SYBU: variants seen among roughly 807,000 people sequenced by gnomAD.
SYBU encodes the protein syntabulin.
Under a neutral mutation model 35.9 loss-of-function variants are expected in SYBU, and 21 were observed. The observed-to-expected ratio is 0.58, with a 90% CI of 0.41 to 0.84. SYBU has a LOEUF of 0.84. Among genes scored for constraint, SYBU ranks in the 40% least tolerant of loss-of-function variants. The pLI, the probability that SYBU is intolerant of heterozygous loss-of-function variation, is 0.00. For missense variants in SYBU, 768 were observed against 848.2 expected, an observed-to-expected ratio of 0.91 and a Z score of 1.17; for synonymous variants, 319 against 324.3, an observed-to-expected ratio of 0.98 and a Z score of 0.18.
intron 3 of SYBU, among the ~76,000 whole-genome samples, chr8:109,612,354 G>C (rs946573119): frequency 2.0e-5 from 3 of 152,072 alleles, no homozygotes; most frequent in Admixed American, 2.0e-4. Context: ...TTTTCATAAG[G>C]CTCATAGTAT....
chr8:109,588,854 C>G (rs892114695), intron 3 of SYBU, among the ~76,000 whole-genome samples: 7 of 152,044 alleles, frequency 4.6e-5, no homozygotes, highest in Non-Finnish European at 7.4e-5. Context: ...GCACAGAGTA[C>G]CTAACCTAAA....
Position 109,622,447 on chromosome 8 carries a change from C to T in SYBU, c.230-3408G>A, listed in dbSNP as rs189651118. On this transcript the variant is annotated intron_variant, in intron 2 of 6. Transcript: ENST00000276646. Reference sequence around the variant, plus strand: ...GGGGTTTCTCCATGTTGGCCAGGCTCGCCTTGAACTCCTGGCCTCAAGTGA... The same window carrying T: ...GGGGTTTCTCCATGTTGGCCAGGCTTGCCTTGAACTCCTGGCCTCAAGTGA... 3.0e-3 allele frequency among the ~76,000 whole-genome samples: 462 copies of T among 152,088 alleles called. 1 individual carries two copies. Among genetic ancestry groups the T allele is most frequent in the Non-Finnish European group, 5.4e-3 (369 of 67,972 alleles).
At chr8:109,644,925 C>T, upstream of SYBU, 2 of 542,920 alleles carry the variant, frequency 3.7e-6, no homozygotes, top group Non-Finnish European at 6.6e-6. Flanking sequence ...TCACCTGCGG[C>T]CTTCGGGGCA....
upstream of SYBU, among the ~76,000 whole-genome samples, chr8:109,649,742 G>A (rs553069104): frequency 2.2e-4 from 34 of 152,160 alleles, no homozygotes; most frequent in Non-Finnish European, 3.7e-4. Context: ...ACATAGGCAC[G>A]GTGATTGCAT....
chr8:109,620,146 T>C (rs889731572), intron 2 of SYBU, among the ~76,000 whole-genome samples: 2 of 152,214 alleles, frequency 1.3e-5, no homozygotes, highest in African/African-American at 4.8e-5. Context: ...AGAACTGTAT[T>C]GGACCTCAAA....
chr8:109,653,709 C>T (rs533776531), intron 1 of SYBU, among the ~76,000 whole-genome samples: 1 of 152,302 alleles, frequency 6.6e-6, no homozygotes, highest in South Asian at 2.1e-4. Flanking sequence ...CCTACCACCC[C>T]TGCCCTCATG....
chr8:109,584,595 G>T lies in SYBU; in HGVS notation c.530+1465C>A, dbSNP rs539384821. Among the ~76,000 whole-genome samples, 1 of 152,222 alleles carries T rather than the reference G, an allele frequency of 6.6e-6. No individual in the cohort carries two copies. The highest frequency in any genetic ancestry group is 1.9e-4 in the East Asian group (1 of 5,186). ...CCAGAGGCACTTTATTGCCAAAATGGTGGTGGTGGGTGGGGGCTGGGGATA... is the reference window on the plus strand; with the variant it reads ...CCAGAGGCACTTTATTGCCAAAATGTTGGTGGTGGGTGGGGGCTGGGGATA... On this transcript the variant is annotated intron_variant, in intron 4 of 6. Transcript: ENST00000276646. This position sits in a 1 kb window ranked among gnomAD's most constrained non-coding sequence, Gnocchi z 4.0.
At chr8:109,577,648 C>T (rs1822490913) in intron 6 of SYBU, among the ~76,000 whole-genome samples, 1 of 152,162 alleles carries the variant, frequency 6.6e-6, no homozygotes, top group Non-Finnish European at 1.5e-5. Context: ...CAACGAAAAA[C>T]AAAGGTTCCC....
At chr8:109,621,964 A>T (rs1440717677) in intron 2 of SYBU, among the ~76,000 whole-genome samples, 1 of 152,118 alleles carries the variant, frequency 6.6e-6, no homozygotes, top group Admixed American at 6.6e-5. Flanking sequence ...ACTGAAGAAG[A>T]AGTTATCTTT....
chr8:109,653,817 C>G (rs1816250102), intron 1 of SYBU, among the ~76,000 whole-genome samples: 1 of 152,104 alleles, frequency 6.6e-6, no homozygotes, highest in East Asian at 1.9e-4. Context: ...AATTCACCTG[C>G]CTCCACCCCA....
intron 3 of SYBU, among the ~76,000 whole-genome samples, chr8:109,615,960 T>G (rs1462199639): frequency 6.6e-6 from 1 of 151,548 alleles, no homozygotes; most frequent in African/African-American, 2.4e-5. Flanking sequence ...TTCCATCCTT[T>G]TATCCTTCCT....
chr8:109,575,038 G>T lies in SYBU; in HGVS notation c.1860C>A (p.Pro620=). Reference sequence around the variant, plus strand: ...GAGTACTGAATGCCCACAGAACCGTGGGGACCACGGGGGCAGCCACAGCCA... The same window carrying T: ...GAGTACTGAATGCCCACAGAACCGTTGGGACCACGGGGGCAGCCACAGCCA... The part of the protein sequence containing the change: ...DLLAVAAPVV[P]TVLWAFSTQR... The change falls in exon 7 of 7, where the codon CCC becomes CCA. Residue 620 remains proline, a synonymous_variant. Transcript: ENST00000276646. 8 of 1,607,234 alleles carry T rather than the reference G, an allele frequency of 5.0e-6. No individual in the cohort carries two copies. The South Asian group carries it at 8.9e-5, about 18-fold the overall frequency.
intron 3 of SYBU, among the ~76,000 whole-genome samples, chr8:109,590,629 T>C (rs557185753): frequency 5.5e-4 from 83 of 152,106 alleles, no homozygotes; most frequent in Non-Finnish European, 9.0e-4. Context: ...ATAATTTGTA[T>C]TGATAAATCC....
At chr8:109,612,887 G>C (rs1811333304) in intron 3 of SYBU, among the ~76,000 whole-genome samples, 1 of 151,898 alleles carries the variant, frequency 6.6e-6, no homozygotes, top group African/African-American at 2.4e-5. Flanking sequence ...GGCTGAGAAG[G>C]GAGAATTGCT....
chr8:109,675,691 G>A (rs929546947), intron 1 of SYBU, among the ~76,000 whole-genome samples: 1 of 152,202 alleles, frequency 6.6e-6, no homozygotes, highest in Non-Finnish European at 1.5e-5. Flanking sequence ...AGGATTCACA[G>A]CTGAATTCTA....
At chr8:109,666,955 A>G (rs1816775887) in intron 1 of SYBU, among the ~76,000 whole-genome samples, 1 of 152,152 alleles carries the variant, frequency 6.6e-6, no homozygotes, top group Admixed American at 6.5e-5. Flanking sequence ...TAATTTAAAT[A>G]TCCCATCTGA....
intron 1 of SYBU, among the ~76,000 whole-genome samples, chr8:109,664,613 A>G (rs987029336): frequency 3.3e-5 from 5 of 152,210 alleles, no homozygotes; most frequent in African/African-American, 9.6e-5. Flanking sequence ...TTGTTTAAGT[A>G]CTAAAGAGAT....
intron 1 of SYBU, among the ~76,000 whole-genome samples, chr8:109,650,308 A>C (rs1312656300): frequency 6.6e-6 from 1 of 152,124 alleles, no homozygotes; most frequent in African/African-American, 2.4e-5. Flanking sequence ...ATGATTTTAT[A>C]TTTTTTGCTT....
At chr8:109,630,879 G>C (rs764966634) in intron 2 of SYBU, among the ~76,000 whole-genome samples, 1 of 152,192 alleles carries the variant, frequency 6.6e-6, no homozygotes, top group African/African-American at 2.4e-5. Flanking sequence ...CTGGATACAA[G>C]CCCTTGGGGA....
Sources: allele counts gnomAD v4.1 joint callset (sites outside exome capture counted in the v4.1 genomes callset), GRCh38; gene constraint gnomAD v4.1.1; non-coding constraint Gnocchi (gnomAD v3.1); transcripts MANE v1.5; gene names NCBI Gene and HGNC (gene_info 2026-07-23, HGNC 2026-07-21).